MXRA7: variants seen among roughly 807,000 people sequenced by gnomAD.
The protein encoded by MXRA7 is matrix remodeling associated 7, also known as matrix-remodeling-associated protein 7.
A neutral mutation model predicts 17.4 loss-of-function variants in MXRA7; 18 were observed. That is an observed-to-expected ratio of 1.03 (90% CI 0.71 to 1.53). The LOEUF (loss-of-function observed/expected upper bound fraction) is 1.53, where lower values mean the gene tolerates loss of function less well. MXRA7 is among the 40% of genes most tolerant of loss of function. MXRA7 has a pLI of 0.00. For synonymous variants in MXRA7, 70 were observed against 101.7 expected (o/e 0.69, Z 1.87); for missense variants, 141 against 209.3 (o/e 0.67, Z 2.01).
intron 1 of MXRA7, among the ~76,000 whole-genome samples, chr17:76,701,229 G>A (rs1209747212): frequency 1.3e-5 from 2 of 152,046 alleles, no homozygotes; most frequent in African/African-American, 2.4e-5. Context: ...GATGAGAGGA[G>A]GGAGGGCTGC....
chr17:76,699,902 G>T (rs1461491863), intron 1 of MXRA7, among the ~76,000 whole-genome samples: 1 of 152,146 alleles, frequency 6.6e-6, no homozygotes, highest in Non-Finnish European at 1.5e-5. Flanking sequence ...TTTATGTCCT[G>T]GGCTTCCATA....
chr17:76,694,881 T>C (rs776827508), intron 1 of MXRA7, among the ~76,000 whole-genome samples: 3 of 151,664 alleles, frequency 2.0e-5, no homozygotes, highest in Non-Finnish European at 4.4e-5. Flanking sequence ...TTTTAAAAAA[T>C]AACGGGGGCC....
chr17:76,684,294 G>A (rs2076355691), intron 3 of MXRA7, among the ~76,000 whole-genome samples: 2 of 152,160 alleles, frequency 1.3e-5, no homozygotes, highest in Admixed American at 1.3e-4. Flanking sequence ...AGCTGCTCTG[G>A]GTCGCCAGGC....
At chr17:76,710,505 G>A in intron 1 of MXRA7, 100 bp downstream of exon 1, 2 of 1,020,790 alleles carry the variant, frequency 2.0e-6, no homozygotes, top group Non-Finnish European at 2.5e-6. Context: ...GGGCAGCCTG[G>A]GCTGGAGGCC....
chr17:76,681,280 C>T lies in MXRA7; in HGVS notation c.501-401G>A, dbSNP rs11654510. Among the ~76,000 whole-genome samples, 4 of 152,146 alleles carry T rather than the reference C, an allele frequency of 2.6e-5. No individual in the cohort carries two copies. Among genetic ancestry groups the T allele is most frequent in the African/African-American group, 9.6e-5 (4 of 41,522 alleles). The stretch of plus-strand genomic sequence containing the variant: ...TCCCGCTGGCTGAGTTTTGTCCCCT[C>T]GGGGGATACTGGCACCCTAGGATGC... On this transcript the variant is annotated intron_variant, in intron 3 of 3. Transcript: ENST00000449428. This position sits in a 1 kb window ranked among gnomAD's most constrained non-coding sequence, Gnocchi z 4.7.
intron 1 of MXRA7, among the ~76,000 whole-genome samples, chr17:76,696,730 G>A (rs1207307279): frequency 6.6e-6 from 1 of 152,136 alleles, no homozygotes; most frequent in Non-Finnish European, 1.5e-5. Context: ...CGATGCTAAA[G>A]GCACCTGGCC....
At chr17:76,698,287 C>G (rs1050090480) in intron 1 of MXRA7, among the ~76,000 whole-genome samples, 1 of 152,146 alleles carries the variant, frequency 6.6e-6, no homozygotes, top group Non-Finnish European at 1.5e-5. Flanking sequence ...GGGCTGCCTC[C>G]ACAGTGCCTG....
chr17:76,702,501 G>A lies in MXRA7; in HGVS notation c.342+8104C>T, dbSNP rs143055234. ...CCAGCCTGGTTCTCTAAATAAATAA[G>A]TAAATAAATAAATAAAAGAAGAAGA... On this transcript the variant is annotated intron_variant, in intron 1 of 3. Coordinates refer to ENST00000449428, the MANE Select transcript of MXRA7 (RefSeq NM_198530.4). 1.5e-3 allele frequency among the ~76,000 whole-genome samples: 230 copies of A among 150,894 alleles called. 1 individual carries two copies. Among genetic ancestry groups the A allele is most frequent in the Non-Finnish European group, 1.7e-3 (115 of 67,916 alleles).
At chr17:76,692,629 T>A (rs1476497832) in intron 1 of MXRA7, among the ~76,000 whole-genome samples, 2 of 127,132 alleles carry the variant, frequency 1.6e-5, no homozygotes, top group African/African-American at 2.7e-5. Context: ...GCCTTACTAG[T>A]ATTGTTAAAA....
Position 76,702,670 on chromosome 17 carries a change from C to T in MXRA7, c.342+7935G>A, listed in dbSNP as rs551261375. ...TTTGAGGCCAGCCTGGCCTGTAACA[C>T]GCGAAACTTCATCTCTACTAAAAAT... On this transcript the variant is annotated intron_variant, in intron 1 of 3. Transcript: ENST00000449428. 5.3e-5 allele frequency among the ~76,000 whole-genome samples: 8 copies of T among 151,652 alleles called. No individual in the cohort carries two copies. The South Asian group carries it at 6.3e-4, about 12-fold the overall frequency.
chr17:76,677,133 A>C (rs543103214), downstream of MXRA7: 7 of 155,204 alleles, frequency 4.5e-5, no homozygotes, highest in South Asian at 1.4e-3. Flanking sequence ...TCTCTACTGA[A>C]AATACAAAAT....
chr17:76,680,747 T>C lies in MXRA7; in HGVS notation c.*120A>G. On this transcript the variant is annotated 3_prime_UTR_variant, in exon 4 of 4. Coordinates refer to ENST00000449428, the MANE Select transcript of MXRA7 (RefSeq NM_198530.4). ...GAGGGTCTAGAGCTCAGCAGATTTA[T>C]GGAGGCAGCATGCACCCTGGGAGCC... is the stretch of plus-strand genomic sequence containing the variant. The C allele has an allele frequency of 6.7e-7, 1 of 1,499,770 alleles. No homozygotes were observed. Among genetic ancestry groups the C allele is most frequent in the Non-Finnish European group, 8.9e-7 (1 of 1,126,276 alleles). The allele number at this position is 1,499,770 out of a possible 1,614,324, so 92.9% of individuals were successfully genotyped here.
intron 1 of MXRA7, among the ~76,000 whole-genome samples, chr17:76,702,858 A>AATATATATATATACGT (rs2076605782): frequency 3.6e-5 from 2 of 55,714 alleles, no homozygotes; most frequent in African/African-American, 6.0e-5. Flanking sequence ...TCTTAAAATA[A>AATATATATATATACGT]ATATATATAT....
intron 1 of MXRA7, among the ~76,000 whole-genome samples, chr17:76,695,615 G>T (rs1055381864): frequency 1.3e-5 from 2 of 152,152 alleles, no homozygotes; most frequent in African/African-American, 4.8e-5. Context: ...AGCAAAGAAG[G>T]CCTCAGAGTG....
In MXRA7 at chr17:76,680,135, TA is replaced by T. The variant is rs1004078019; in HGVS notation, c.*731del. 11 of 860,620 alleles carry T rather than the reference TA, an allele frequency of 1.3e-5. No homozygotes were observed. Among genetic ancestry groups the T allele is most frequent in the Non-Finnish European group, 1.4e-5 (10 of 718,312 alleles). The allele number at this position is 860,620 out of a possible 1,614,324, so 53.3% of individuals were successfully genotyped here. A position where few individuals can be genotyped will look rare whatever the true frequency, so the allele number is the denominator to read the frequency against. The stretch of plus-strand genomic sequence containing the variant: ...AAAGGCATAGGTCAAGAAATCTTTT[TA>T]AAGCAAACATTATTGCTTCTGCTAT... On this transcript the variant is annotated 3_prime_UTR_variant, in exon 4 of 4. Coordinates refer to ENST00000449428, the MANE Select transcript of MXRA7 (RefSeq NM_198530.4).
At position 76,681,335 on chromosome 17, in the gene MXRA7, C is replaced by G. The variant is rs1053276485; in HGVS notation, c.501-456G>C. Reference sequence around the variant, plus strand: ...TTCCAGATGGAGCCAACTGCATGCCCGTCTTTTATGAACCAAGACACACTG... The same window carrying G: ...TTCCAGATGGAGCCAACTGCATGCCGGTCTTTTATGAACCAAGACACACTG... On this transcript the variant is annotated intron_variant, in intron 3 of 3. Coordinates refer to ENST00000449428, the MANE Select transcript of MXRA7 (RefSeq NM_198530.4). The surrounding 1 kb of genome is among the most constrained non-coding windows in gnomAD (Gnocchi z 4.7). Among the ~76,000 whole-genome samples the G allele has an allele frequency of 6.6e-6, 1 of 152,128 alleles. No homozygotes were observed. The highest frequency in any genetic ancestry group is 1.5e-5 in the Non-Finnish European group (1 of 68,018).
At position 76,706,338 on chromosome 17, in the gene MXRA7, A is replaced by ACAGAGGCCCACTCTGCCG. The variant is rs1567990994; in HGVS notation, c.342+4266_342+4267insCGGCAGAGTGGGCCTCTG. On this transcript the variant is annotated intron_variant, in intron 1 of 3. Coordinates refer to ENST00000449428, the MANE Select transcript of MXRA7 (RefSeq NM_198530.4). ...TGCCATCACAAAGGACCACGCTGCCATCACAGAGGCCCACTCTGCCATCAC... is the reference window on the plus strand; with the variant it reads ...TGCCATCACAAAGGACCACGCTGCCACAGAGGCCCACTCTGCCGTCACAGAGGCCCACTCTGCCATCAC... Among the ~76,000 whole-genome samples, 33 of 13,082 alleles carry ACAGAGGCCCACTCTGCCG rather than the reference A, an allele frequency of 2.5e-3. 2 individuals carry two copies. The highest frequency in any genetic ancestry group is 4.5e-3 in the African/African-American group (28 of 6,200). 8.6% of individuals were successfully genotyped at this position (13,082 alleles called of 152,430 possible).
intron 1 of MXRA7, among the ~76,000 whole-genome samples, chr17:76,692,116 G>A (rs1485403771): frequency 1.3e-5 from 2 of 151,994 alleles, no homozygotes; most frequent in African/African-American, 2.4e-5. Flanking sequence ...TTGGGAGGCC[G>A]AGGCAGGTGC....
chr17:76,703,045 G>C (rs929633529), intron 1 of MXRA7, among the ~76,000 whole-genome samples: 1 of 150,770 alleles, frequency 6.6e-6, no homozygotes, highest in Non-Finnish European at 1.5e-5. Context: ...CCAGGAGGTG[G>C]AGGTTGCAGT....
Sources: allele counts gnomAD v4.1 joint callset (sites outside exome capture counted in the v4.1 genomes callset), GRCh38; gene constraint gnomAD v4.1.1; non-coding constraint Gnocchi (gnomAD v3.1); transcripts MANE v1.5; gene names NCBI Gene and HGNC (gene_info 2026-07-23, HGNC 2026-07-21).